PDE4D: variants seen among roughly 807,000 people sequenced by gnomAD.
The protein encoded by PDE4D is phosphodiesterase 4D.
Under a neutral mutation model 87.4 loss-of-function variants are expected in PDE4D, and 24 were observed. The observed-to-expected ratio is 0.27, with a 90% CI of 0.20 to 0.39. PDE4D has a LOEUF of 0.39. PDE4D is among the 10% of genes least tolerant of loss of function. PDE4D has a pLI of 1.00. For missense variants in PDE4D, 714 were observed against 1,041.0 expected, an observed-to-expected ratio of 0.69 and a Z score of 4.32; for synonymous variants, 384 against 383.2, an observed-to-expected ratio of 1.00 and a Z score of -0.02.
At chr5:60,256,469 C>A (rs866779308) in intron 1 of PDE4D, among the ~76,000 whole-genome samples, 2 of 151,664 alleles carry the variant, frequency 1.3e-5, no homozygotes, top group African/African-American at 4.8e-5. Context: ...AAATCAATAA[C>A]CCTAAACTCA....
chr5:59,554,325 A>T (rs62357524), intron 1 of PDE4D, among the ~76,000 whole-genome samples: 13,124 of 152,154 alleles, frequency 0.086, 675 homozygotes, highest in Admixed American at 0.14. Flanking sequence ...ACCACTTTAT[A>T]AAGTAAGTAT....
At chr5:59,686,101 G>C (rs1254791375) in intron 1 of PDE4D, among the ~76,000 whole-genome samples, 1 of 152,094 alleles carries the variant, frequency 6.6e-6, no homozygotes, top group Non-Finnish European at 1.5e-5. Flanking sequence ...CCAGATGGTG[G>C]TGTCTCTCAC....
intron 3 of PDE4D, among the ~76,000 whole-genome samples, chr5:59,914,566 A>T (rs1028358443): frequency 8.9e-6 from 1 of 112,388 alleles, no homozygotes; most frequent in South Asian, 2.9e-4. Context: ...GTGTGTGTGC[A>T]TGTGCGTGTG....
chr5:59,764,439 C>G (rs1762532427), intron 1 of PDE4D, among the ~76,000 whole-genome samples: 2 of 152,136 alleles, frequency 1.3e-5, no homozygotes, highest in Admixed American at 1.3e-4. Context: ...CAAAGTCACA[C>G]AATTACTAAA....
At chr5:60,436,574 T>C (rs1744774145) in intron 1 of PDE4D, among the ~76,000 whole-genome samples, 1 of 152,094 alleles carries the variant, frequency 6.6e-6, no homozygotes, top group Non-Finnish European at 1.5e-5. Flanking sequence ...TCATTTAATC[T>C]AGCTTGAGCT....
intron 2 of PDE4D, among the ~76,000 whole-genome samples, chr5:60,006,268 C>T (rs1341692931): frequency 6.6e-6 from 1 of 151,204 alleles, no homozygotes; most frequent in Non-Finnish European, 1.5e-5. Context: ...TGGTTTTTGC[C>T]ATTAAATGGC....
chr5:59,249,758 T>C (rs996960353), intron 1 of PDE4D, among the ~76,000 whole-genome samples: 1 of 152,080 alleles, frequency 6.6e-6, no homozygotes, highest in Non-Finnish European at 1.5e-5. Flanking sequence ...AGAAAATAAC[T>C]AAGAATTAGC....
chr5:59,649,931 T>TTTTTTTTTTTTTTTTTTTTTC (rs1474090994), intron 1 of PDE4D, among the ~76,000 whole-genome samples: 1 of 141,260 alleles, frequency 7.1e-6, no homozygotes, highest in Non-Finnish European at 1.5e-5. Context: ...TTTTTTTTTT[T>TTTTTTTTTTTTTTTTTTTTTC]TAGCAATGAC....
intron 1 of PDE4D, among the ~76,000 whole-genome samples, chr5:59,428,143 T>C (rs960213835): frequency 6.6e-6 from 1 of 152,128 alleles, no homozygotes; most frequent in African/African-American, 2.4e-5. Context: ...ATCTAGGTGA[T>C]TTTCTAATAA....
intron 2 of PDE4D, among the ~76,000 whole-genome samples, chr5:59,992,147 G>A (rs1763072704): frequency 6.6e-6 from 1 of 152,156 alleles, no homozygotes; most frequent in Non-Finnish European, 1.5e-5. Flanking sequence ...TGGACTCTTG[G>A]ACCTACACAA....
At chr5:59,106,715 G>T (rs1271891112) in intron 5 of PDE4D, among the ~76,000 whole-genome samples, 1 of 152,198 alleles carries the variant, frequency 6.6e-6, no homozygotes, top group Non-Finnish European at 1.5e-5. Flanking sequence ...AGCTGAGATC[G>T]CGCCATTGCA....
chr5:59,231,381 A>T (rs527437853), intron 1 of PDE4D, among the ~76,000 whole-genome samples: 36 of 152,326 alleles, frequency 2.4e-4, no homozygotes, highest in African/African-American at 7.7e-4. Flanking sequence ...TGTGAGCAGA[A>T]ATATTGCATG....
At chr5:58,990,727 CA>C in intron 9 of PDE4D, 76 bp downstream of exon 9, 6 of 760,808 alleles carry the variant, frequency 7.9e-6, no homozygotes, top group Non-Finnish European at 1.3e-5. Flanking sequence ...TTAAAAAAGA[CA>C]AAATGTATGC....
At chr5:59,050,268 A>T (rs528633936) in intron 5 of PDE4D, among the ~76,000 whole-genome samples, 2 of 152,260 alleles carry the variant, frequency 1.3e-5, no homozygotes, top group African/African-American at 4.8e-5. Flanking sequence ...ACTCTGTCCC[A>T]AAAAAAGAGA....
intron 3 of PDE4D, among the ~76,000 whole-genome samples, chr5:59,983,697 T>C (rs151183206): frequency 6.6e-6 from 1 of 152,126 alleles, no homozygotes; most frequent in Non-Finnish European, 1.5e-5. Context: ...TGAAAAAGAC[T>C]GAAAATACTA....
chr5:59,520,622 T>C (rs1812032150), intron 1 of PDE4D, among the ~76,000 whole-genome samples: 1 of 152,002 alleles, frequency 6.6e-6, no homozygotes. Flanking sequence ...AGGAGAACGA[T>C]TTAAGATGAT....
chr5:60,009,109 T>C (rs1264181970), intron 2 of PDE4D, among the ~76,000 whole-genome samples: 2 of 152,050 alleles, frequency 1.3e-5, no homozygotes, highest in Non-Finnish European at 2.9e-5. Flanking sequence ...ATTCAGCTGT[T>C]ACTCTGCCTA....
intron 1 of PDE4D, among the ~76,000 whole-genome samples, chr5:59,468,035 TC>T (rs1801848320): frequency 6.6e-6 from 1 of 152,206 alleles, no homozygotes; most frequent in African/African-American, 2.4e-5. Flanking sequence ...CACATCTGTT[TC>T]CATTGAGGAT....
At chr5:59,077,943 A>T (rs939613688) in intron 5 of PDE4D, among the ~76,000 whole-genome samples, 11 of 151,972 alleles carry the variant, frequency 7.2e-5, no homozygotes, top group African/African-American at 2.7e-4. Flanking sequence ...TTCCTAAAAA[A>T]CCTCTTCATC....
Sources: gnomAD v4.1 joint callset for allele counts (sites outside exome capture counted in the v4.1 genomes callset) on GRCh38, gnomAD v4.1.1 for gene constraint, MANE v1.5 for transcripts, NCBI Gene and HGNC (gene_info 2026-07-23, HGNC 2026-07-21) for gene names.